ADGRB3: variants seen among roughly 807,000 people sequenced by gnomAD.
ADGRB3 encodes the protein brain-specific angiogenesis inhibitor 3.
A neutral mutation model predicts 193.4 loss-of-function variants in ADGRB3; 37 were observed. The observed-to-expected ratio is 0.19, with a 90% CI of 0.15 to 0.25. ADGRB3 has a LOEUF of 0.25. Ranked by LOEUF, ADGRB3 falls within the 10% of genes least tolerant of loss-of-function variation. The probability of loss-of-function intolerance (pLI) is 1.00; values close to 1 mark genes in which losing one functional copy is unlikely to be tolerated. For synonymous variants in ADGRB3, 690 were observed against 644.2 expected, an observed-to-expected ratio of 1.07 and a Z score of -1.08; for missense variants, 1,637 against 1,852.9, an observed-to-expected ratio of 0.88 and a Z score of 2.14.
intron 20 of ADGRB3, among the ~76,000 whole-genome samples, chr6:69,242,546 T>C (rs1766407922): frequency 6.6e-6 from 1 of 151,958 alleles, no homozygotes; most frequent in South Asian, 2.1e-4. Context: ...AATTGCTTAT[T>C]GAAATATAAT....
At chr6:69,084,527 G>A (rs764559321) in intron 17 of ADGRB3, among the ~76,000 whole-genome samples, 4 of 151,946 alleles carry the variant, frequency 2.6e-5, no homozygotes, top group African/African-American at 9.7e-5. Context: ...CTATTATTTA[G>A]CATATGAATA....
chr6:68,883,196 A>C (rs1582281080), intron 3 of ADGRB3, among the ~76,000 whole-genome samples: 1 of 152,304 alleles, frequency 6.6e-6, no homozygotes, highest in Non-Finnish European at 1.5e-5. Flanking sequence ...TCTGTGTCTA[A>C]TCTGGTGAGG....
In ADGRB3 at chr6:68,938,312, ATTCTAGG is replaced by A. The variant is rs1331921153; in HGVS notation, c.1030+1634_1030+1640del. Among the ~76,000 whole-genome samples the A allele has an allele frequency of 3.3e-5, 5 of 152,030 alleles. No homozygotes were observed. The East Asian group carries it at 9.7e-4, about 30-fold the overall frequency. Reference sequence around the variant, plus strand: ...AAAACAGAATTCATAGAGCAGACAGATTCTAGGTACATTTGGCAACAGAAGAAAAACA... The same window carrying A: ...AAAACAGAATTCATAGAGCAGACAGATACATTTGGCAACAGAAGAAAAACA... On this transcript the variant is annotated intron_variant, in intron 5 of 31. Transcript: ENST00000370598.
At chr6:69,066,429 C>T (rs1308883462) in intron 16 of ADGRB3, among the ~76,000 whole-genome samples, 1 of 150,454 alleles carries the variant, frequency 6.6e-6, no homozygotes, top group East Asian at 1.9e-4. Context: ...AGTGAGTTAA[C>T]AGGAAAAGCC....
chr6:69,173,645 G>A (rs1055757209), intron 17 of ADGRB3, among the ~76,000 whole-genome samples: 1 of 151,526 alleles, frequency 6.6e-6, no homozygotes, highest in African/African-American at 2.4e-5. Context: ...TAACCTTGTA[G>A]CATTGTTTTT....
chr6:69,383,507 T>G (rs1769996403), intron 31 of ADGRB3, among the ~76,000 whole-genome samples: 1 of 151,940 alleles, frequency 6.6e-6, no homozygotes, highest in Non-Finnish European at 1.5e-5. Flanking sequence ...CTTTGTACAA[T>G]TACTATGTTT....
At chr6:68,903,223 A>G (rs376901372) in intron 3 of ADGRB3, among the ~76,000 whole-genome samples, 2 of 152,172 alleles carry the variant, frequency 1.3e-5, no homozygotes, top group East Asian at 3.9e-4. Flanking sequence ...TGACGGGACA[A>G]AATTAAACAT....
intron 16 of ADGRB3, among the ~76,000 whole-genome samples, chr6:69,068,247 A>G (rs1286140940): frequency 2.0e-5 from 3 of 152,196 alleles, no homozygotes; most frequent in African/African-American, 7.2e-5. Flanking sequence ...TTGTGTGAGT[A>G]CATGTCAAAA....
At chr6:69,287,461 T>C (rs933987750) in intron 20 of ADGRB3, among the ~76,000 whole-genome samples, 5 of 152,092 alleles carry the variant, frequency 3.3e-5, no homozygotes, top group Admixed American at 2.0e-4. Context: ...GAAAAAAAAC[T>C]GAATCTACAT....
At chr6:69,065,758 T>TACACACACACACAC (rs1491430136) in intron 16 of ADGRB3, among the ~76,000 whole-genome samples, 22 of 102,830 alleles carry the variant, frequency 2.1e-4, no homozygotes, top group Middle Eastern at 5.2e-3. Flanking sequence ...ACTTCATGTA[T>TACACACACACACAC]ATATATACAC....
intron 11 of ADGRB3, among the ~76,000 whole-genome samples, chr6:69,002,416 G>A (rs1324744032): frequency 2.0e-5 from 3 of 151,864 alleles, no homozygotes; most frequent in African/African-American, 4.8e-5. Flanking sequence ...AAGGGATTTC[G>A]CCATGTTGGC....
At chr6:69,156,844 G>A (rs1272036707) in intron 17 of ADGRB3, among the ~76,000 whole-genome samples, 2 of 151,896 alleles carry the variant, frequency 1.3e-5, no homozygotes, top group Non-Finnish European at 2.9e-5. Flanking sequence ...TTTTCTCTTT[G>A]GTTTACAAAT....
At chr6:68,717,720 T>C (rs1299758304) in intron 3 of ADGRB3, among the ~76,000 whole-genome samples, 1 of 151,622 alleles carries the variant, frequency 6.6e-6, no homozygotes, top group Non-Finnish European at 1.5e-5. Context: ...ATTTTATAAA[T>C]TAATAAAACA....
intron 20 of ADGRB3, among the ~76,000 whole-genome samples, chr6:69,259,425 G>A (rs989311026): frequency 1.3e-5 from 2 of 152,140 alleles, no homozygotes; most frequent in African/African-American, 4.8e-5. Context: ...GCTGGGCGCG[G>A]TGGCTCACGC....
At chr6:69,129,361 AAGAC>A (rs1230882574) in intron 17 of ADGRB3, among the ~76,000 whole-genome samples, 1 of 152,190 alleles carries the variant, frequency 6.6e-6, no homozygotes, top group Non-Finnish European at 1.5e-5. Context: ...AGAAAAGTGA[AAGAC>A]AGAATAAGGA....
At chr6:68,824,805 C>T (rs917400866) in intron 3 of ADGRB3, among the ~76,000 whole-genome samples, 1 of 151,470 alleles carries the variant, frequency 6.6e-6, no homozygotes, top group African/African-American at 2.4e-5. Context: ...TGTATTCTAT[C>T]ATTTAAAAAT....
At position 69,361,387 on chromosome 6, in the gene ADGRB3, C is replaced by T; in HGVS notation, c.4114C>T (p.His1372Tyr). Reference sequence around the variant, plus strand: ...AGAGCAACATCTCGCACCCCAGGAACATATGCAGAATTTGCCCTTTGAACC... The same window carrying T: ...AGAGCAACATCTCGCACCCCAGGAATATATGCAGAATTTGCCCTTTGAACC... ...NLEQHLAPQE[H>Y]MQNLPFEPRT... The change falls in exon 29 of 32, where the codon CAT becomes TAT. Residue 1372 changes from histidine (H) to tyrosine (Y), a missense_variant. His to Tyr is a moderately conservative substitution (Grantham distance 83). Around this residue, in one of 7 missense-constraint regions of ADGRB3, gnomAD observed 368 missense variants for 367.4 expected, o/e 1.00. Transcript: ENST00000370598. The T allele has an allele frequency of 6.2e-7, 1 of 1,613,044 alleles. No homozygotes were observed. The highest frequency in any genetic ancestry group is 1.3e-5 in the African/African-American group (1 of 74,950).
chr6:69,349,819 G>C (rs1769184373), intron 26 of ADGRB3, among the ~76,000 whole-genome samples: 1 of 152,192 alleles, frequency 6.6e-6, no homozygotes, highest in South Asian at 2.1e-4. Context: ...AGGTAAAACT[G>C]TCTTCTTAAA....
chr6:69,148,988 G>C (rs1377829847), intron 17 of ADGRB3, among the ~76,000 whole-genome samples: 2 of 152,014 alleles, frequency 1.3e-5, no homozygotes, highest in Non-Finnish European at 2.9e-5. Flanking sequence ...TTGGGAGTTT[G>C]ATTATGGTCT....
Sources: allele counts gnomAD v4.1 joint callset (sites outside exome capture counted in the v4.1 genomes callset), GRCh38; gene constraint gnomAD v4.1.1; regional missense constraint gnomAD v4.1.1; transcripts MANE v1.5; gene names NCBI Gene and HGNC (gene_info 2026-07-23, HGNC 2026-07-21).